The following LOC128125814 variants were observed in gnomAD, a reference collection of about 807,000 sequenced individuals.
At chr12:57,519,312 C>A in the LOC128125814 span, 2 of 446,598 alleles carry the variant, frequency 4.5e-6, no homozygotes, top group Non-Finnish European at 4.6e-6. Flanking sequence ...TGAACATTCT[C>A]CATTCCTTTC....
At chr12:57,520,361 GA>G in the LOC128125814 span, 1 of 398,592 alleles carries the variant, frequency 2.5e-6, no homozygotes, top group Non-Finnish European at 4.4e-6. Context: ...CTAAAGAGCG[GA>G]CGCCCCAACT....
At chr12:57,520,303 C>T in the LOC128125814 span, 8 of 397,466 alleles carry the variant, frequency 2.0e-5, no homozygotes, top group African/African-American at 1.6e-4. Flanking sequence ...TCTCCCCATT[C>T]CTCTCTCGGA....
At chr12:57,519,365 T>C in the LOC128125814 span, 1 of 377,402 alleles carries the variant, frequency 2.6e-6, no homozygotes, top group Non-Finnish European at 5.3e-6. Flanking sequence ...TTGTTTACTG[T>C]AGGCCTCCCA....
chr12:57,519,509 C>T, the LOC128125814 span, among the ~76,000 whole-genome samples: 1 of 152,220 alleles, frequency 6.6e-6, no homozygotes, highest in Non-Finnish European at 1.5e-5. Context: ...AGGGAAGGGG[C>T]AGAAGCAGAG....
At chr12:57,517,897 G>T in the LOC128125814 span, 1 of 407,430 alleles carries the variant, frequency 2.5e-6, no homozygotes. Flanking sequence ...TGCGATCTCG[G>T]CTCACTGCAA....
chr12:57,519,766 A>AATACCCTGG, the LOC128125814 span, among the ~76,000 whole-genome samples: 1 of 152,334 alleles, frequency 6.6e-6, no homozygotes, highest in African/African-American at 2.4e-5. Flanking sequence ...AGGGAAGGAC[A>AATACCCTGG]ATACCCTGGG....
chr12:57,519,845 T>C, the LOC128125814 span, among the ~76,000 whole-genome samples: 2 of 152,158 alleles, frequency 1.3e-5, no homozygotes, highest in Middle Eastern at 3.4e-3. Context: ...CCCAGAGACC[T>C]CTACGGCAAA....
chr12:57,519,043 G>A, the LOC128125814 span: 3 of 523,366 alleles, frequency 5.7e-6, no homozygotes, highest in African/African-American at 5.8e-5. Flanking sequence ...TTCCAATCTA[G>A]ATCAATTCAC....
At chr12:57,518,214 A>G in the LOC128125814 span, among the ~76,000 whole-genome samples, 1 of 151,996 alleles carries the variant, frequency 6.6e-6, no homozygotes, top group African/African-American at 2.4e-5. Context: ...TTCGAAGGGC[A>G]GAAGAGGGCC....
chr12:57,517,921 G>A, the LOC128125814 span, among the ~76,000 whole-genome samples: 1 of 151,362 alleles, frequency 6.6e-6, no homozygotes, highest in African/African-American at 2.4e-5. Flanking sequence ...CTGCCTCCTC[G>A]GTTCAAGTGA....
chr12:57,520,014 G>C, the LOC128125814 span, among the ~76,000 whole-genome samples: 1 of 152,258 alleles, frequency 6.6e-6, no homozygotes, highest in Non-Finnish European at 1.5e-5. Flanking sequence ...GGGTGGGGTA[G>C]GGAGAAGGCC....
At chr12:57,518,113 G>A in the LOC128125814 span, among the ~76,000 whole-genome samples, 1 of 151,352 alleles carries the variant, frequency 6.6e-6, no homozygotes, top group Non-Finnish European at 1.5e-5. Context: ...CTACCGTGCT[G>A]GGCCCTTATT....
chr12:57,519,899 G>T, the LOC128125814 span, among the ~76,000 whole-genome samples: 4 of 152,214 alleles, frequency 2.6e-5, no homozygotes, highest in Non-Finnish European at 5.9e-5. Context: ...CCTCCCAAAG[G>T]CTTGTGTCTC....
the LOC128125814 span, among the ~76,000 whole-genome samples, chr12:57,520,220 T>G: frequency 6.6e-6 from 1 of 152,070 alleles, no homozygotes; most frequent in Non-Finnish European, 1.5e-5. Context: ...GTGTTCCGGC[T>G]CCGGGCAGGG....
At chr12:57,520,318 C>T in the LOC128125814 span, 2 of 397,898 alleles carry the variant, frequency 5.0e-6, no homozygotes, top group African/African-American at 4.1e-5. Flanking sequence ...CTCGGACGGT[C>T]CCTAACTTCA....
chr12:57,519,121 C>T, the LOC128125814 span: 2 of 532,564 alleles, frequency 3.8e-6, no homozygotes. Flanking sequence ...CTCTTGCCAC[C>T]CCTCCGCAAC....
the LOC128125814 span, among the ~76,000 whole-genome samples, chr12:57,519,850 G>C: frequency 6.6e-6 from 1 of 152,166 alleles, no homozygotes; most frequent in Non-Finnish European, 1.5e-5. Flanking sequence ...AGACCTCTAC[G>C]GCAAAAGGAA....
chr12:57,519,193 C>T, the LOC128125814 span: 2 of 533,388 alleles, frequency 3.7e-6, no homozygotes, highest in Non-Finnish European at 7.7e-6. Flanking sequence ...CTGCTCAAAC[C>T]CTCCAATGAC....
chr12:57,520,272 C>G, the LOC128125814 span: 2 of 396,152 alleles, frequency 5.0e-6, no homozygotes, highest in East Asian at 7.1e-5. Flanking sequence ...GGTTTGTAAG[C>G]ACCACCCCAG....
Sources: gnomAD v4.1 joint callset for allele counts (sites outside exome capture counted in the v4.1 genomes callset) on GRCh38, gnomAD v4.1.1 for gene constraint, MANE v1.5 for transcripts.